SLC22A24: variants seen among roughly 807,000 people sequenced by gnomAD.
The protein encoded by SLC22A24 is steroid transmembrane transporter SLC22A24.
Under a neutral mutation model 49.8 loss-of-function variants are expected in SLC22A24, and 53 were observed. The ratio of observed to expected loss-of-function variants is 1.06; its 90% CI spans 0.85 to 1.34. The LOEUF is 1.34. SLC22A24 is among the 40% of genes most tolerant of loss of function. The pLI is 0.00. For missense variants in SLC22A24, 786 were observed against 675.9 expected (o/e 1.16, Z -1.81); for synonymous variants, 302 against 256.4 (o/e 1.18, Z -1.70).
intron 7 of SLC22A24, among the ~76,000 whole-genome samples, chr11:63,082,459 A>G (rs1457331554): frequency 6.6e-6 from 1 of 152,226 alleles, no homozygotes; most frequent in Admixed American, 6.5e-5. Flanking sequence ...CAGTCTGGGA[A>G]TCCTGCAAAA....
chr11:63,100,446 A>C (rs1242392110), intron 5 of SLC22A24, among the ~76,000 whole-genome samples: 3 of 152,168 alleles, frequency 2.0e-5, no homozygotes, highest in Admixed American at 6.6e-5. Context: ...AATATATTCC[A>C]TGTTCATGGA....
rs530416809 is a variant in SLC22A24 at position 63,142,426 on chromosome 11, C to G, written c.402+952G>C. The stretch of plus-strand genomic sequence containing the variant: ...ACCGACTCCATCTTGCTTCTGACCT[C>G]CAAGCTGTCCTTGTGCATTCCTGGG... On this transcript the variant is annotated intron_variant, in intron 1 of 9. Coordinates refer to ENST00000612278, the MANE Select transcript of SLC22A24 (RefSeq NM_001136506.2). Among the ~76,000 whole-genome samples, 4 of 152,326 alleles carry G rather than the reference C, an allele frequency of 2.6e-5. No homozygotes were observed. In the South Asian group the frequency reaches 8.3e-4, roughly 32 times the overall value.
At chr11:63,114,106 G>T (rs907163629) in intron 4 of SLC22A24, among the ~76,000 whole-genome samples, 1 of 152,014 alleles carries the variant, frequency 6.6e-6, no homozygotes, top group African/African-American at 2.4e-5. Flanking sequence ...TTGAATGTTG[G>T]CCCTCCTTTC....
intron 2 of SLC22A24, among the ~76,000 whole-genome samples, chr11:63,122,478 A>G (rs1292942266): frequency 6.6e-6 from 1 of 152,194 alleles, no homozygotes; most frequent in Non-Finnish European, 1.5e-5. Context: ...CTGGTGTTTG[A>G]TGAAGATAAA....
chr11:63,102,040 A>C (rs941719421), intron 5 of SLC22A24, among the ~76,000 whole-genome samples: 1 of 152,144 alleles, frequency 6.6e-6, no homozygotes, highest in Admixed American at 6.6e-5. Flanking sequence ...CAACAGTGTG[A>C]CTAAAGTGAA....
chr11:63,131,063 T>A (rs533660620), intron 2 of SLC22A24, among the ~76,000 whole-genome samples: 200 of 152,276 alleles, frequency 1.3e-3, no homozygotes, highest in Non-Finnish European at 1.9e-3. Flanking sequence ...TTTGTTGGTT[T>A]AAAGTCTGTT....
At chr11:63,116,104 TG>T in intron 4 of SLC22A24, 1 of 404,164 alleles carries the variant, frequency 2.5e-6, no homozygotes. Flanking sequence ...TTAACTTCCT[TG>T]GGCTTTATGA....
intron 6 of SLC22A24, among the ~76,000 whole-genome samples, chr11:63,094,462 G>C (rs978916858): frequency 2.6e-5 from 4 of 152,064 alleles, no homozygotes; most frequent in Admixed American, 6.6e-5. Context: ...TGTCATTATA[G>C]CAGCATGATT....
chr11:63,101,065 A>T (rs889626299), intron 5 of SLC22A24, among the ~76,000 whole-genome samples: 1 of 152,116 alleles, frequency 6.6e-6, no homozygotes, highest in African/African-American at 2.4e-5. Flanking sequence ...ACATCATGTT[A>T]AAAAGCTTCT....
At chr11:63,097,177 A>T (rs2087059898) in intron 5 of SLC22A24, among the ~76,000 whole-genome samples, 1 of 151,914 alleles carries the variant, frequency 6.6e-6, no homozygotes, top group Non-Finnish European at 1.5e-5. Context: ...TCATCTATCC[A>T]TCTGTCAAAG....
intron 6 of SLC22A24, among the ~76,000 whole-genome samples, chr11:63,086,859 T>C (rs1011110380): frequency 1.1e-4 from 16 of 152,304 alleles, no homozygotes; most frequent in Non-Finnish European, 2.2e-4. Context: ...CATAACATCA[T>C]AGTGTATACC....
intron 6 of SLC22A24, among the ~76,000 whole-genome samples, chr11:63,091,330 A>G (rs182462158): frequency 0.039 from 5,913 of 152,314 alleles, 165 homozygotes; most frequent in Non-Finnish European, 0.063. Flanking sequence ...AGAGGTACAA[A>G]GAGGAGCTGG....
At chr11:63,085,257 C>A (rs2086980844) in intron 6 of SLC22A24, among the ~76,000 whole-genome samples, 1 of 151,888 alleles carries the variant, frequency 6.6e-6, no homozygotes, top group African/African-American at 2.4e-5. Flanking sequence ...ACCAATGTAG[C>A]AACGTATAAT....
At chr11:63,088,729 A>G (rs9988858) in intron 6 of SLC22A24, among the ~76,000 whole-genome samples, 75,785 of 151,704 alleles carry the variant, frequency 0.5, 19,077 homozygotes, top group East Asian at 0.54. Flanking sequence ...AGAGAAAAAC[A>G]TAAATTACCT....
At chr11:63,109,944 A>G (rs1358661680) in intron 4 of SLC22A24, among the ~76,000 whole-genome samples, 6 of 152,094 alleles carry the variant, frequency 3.9e-5, no homozygotes, top group African/African-American at 1.4e-4. Flanking sequence ...CTGAATGGTA[A>G]TGCCTAGGAT....
rs557623389 is a variant in SLC22A24 at position 63,112,442 on chromosome 11, T to C, written c.830+6470A>G. On this transcript the variant is annotated intron_variant, in intron 4 of 9. Coordinates refer to ENST00000612278, the MANE Select transcript of SLC22A24 (RefSeq NM_001136506.2). ...GTCTCGTTGATCTGTCTAATGTTGA[T>C]AGTGGGGTGTTAAAGTCTCCCATTA... 1.8e-3 allele frequency among the ~76,000 whole-genome samples: 267 copies of C among 152,198 alleles called. 1 individual carries two copies. The highest frequency in any genetic ancestry group is 2.8e-3 in the Non-Finnish European group (191 of 67,990).
chr11:63,096,797 G>A (rs76187728), intron 5 of SLC22A24, among the ~76,000 whole-genome samples: 3,241 of 152,224 alleles, frequency 0.021, 101 homozygotes, highest in African/African-American at 0.072. Context: ...ATAGTTGTTG[G>A]AAAGGAGATG....
chr11:63,096,132 CA>C lies in SLC22A24; in HGVS notation c.955-27del. 2.1e-6 allele frequency: 3 copies of C among 1,415,448 alleles called. 1 individual carries two copies. 87.7% of individuals were successfully genotyped at this position (1,415,448 alleles called of 1,614,324 possible). ...CTTCAGCAACAAAAATAACAACAAG[CA>C]TTTGTGAGATGTCAATAATGTGTCA... On this transcript the variant is annotated intron_variant, in intron 5 of 9. Transcript: ENST00000612278.
chr11:63,107,327 T>G lies in SLC22A24; in HGVS notation c.831-3029A>C, dbSNP rs191749585. Among the ~76,000 whole-genome samples, 496 of 152,346 alleles carry G rather than the reference T, an allele frequency of 3.3e-3. 2 individuals are homozygous for G. Among genetic ancestry groups the G allele is most frequent in the Non-Finnish European group, 5.2e-3 (351 of 68,032 alleles). ...GGTACCAGTACCATGCTGTTTTGGTTACTGTAGCCTTGTAGTGTAGTTTGA... is the reference window on the plus strand; with the variant it reads ...GGTACCAGTACCATGCTGTTTTGGTGACTGTAGCCTTGTAGTGTAGTTTGA... On this transcript the variant is annotated intron_variant, in intron 4 of 9. Transcript: ENST00000612278.
Sources: gnomAD v4.1 joint callset for allele counts (sites outside exome capture counted in the v4.1 genomes callset) on GRCh38, gnomAD v4.1.1 for gene constraint, MANE v1.5 for transcripts, NCBI Gene and HGNC (gene_info 2026-07-23, HGNC 2026-07-21) for gene names.